Variants in TMX4 observed in about 807,000 individuals in gnomAD.
TMX4 encodes the protein thioredoxin related transmembrane protein 4, also known as thioredoxin-related transmembrane protein 4.
In TMX4, 23 loss-of-function variants were observed where a neutral mutation model predicts 33.3. The ratio of observed to expected loss-of-function variants is 0.69; its 90% CI spans 0.50 to 0.98. The LOEUF (loss-of-function observed/expected upper bound fraction) is 0.98, where lower values mean the gene tolerates loss of function less well. TMX4 is among the 50% of genes least tolerant of loss of function. The pLI, the probability that TMX4 is intolerant of heterozygous loss-of-function variation, is 0.00. For synonymous variants in TMX4, 164 were observed against 161.5 expected (o/e 1.02, Z -0.12); for missense variants, 399 against 448.9 (o/e 0.89, Z 1.01).
chr20:7,997,604 T>C (rs970833807), intron 4 of TMX4, among the ~76,000 whole-genome samples: 1 of 151,994 alleles, frequency 6.6e-6, no homozygotes, highest in Non-Finnish European at 1.5e-5. Flanking sequence ...TTCAAATGTT[T>C]AGCCAACTAA....
intron 3 of TMX4, 37 bp downstream of exon 3, chr20:8,001,459 C>A: frequency 1.9e-6 from 3 of 1,559,444 alleles, no homozygotes; most frequent in Non-Finnish European, 1.7e-6. Context: ...CTATTGATTT[C>A]TAATATTTGC....
intron 4 of TMX4, among the ~76,000 whole-genome samples, chr20:7,997,256 T>C (rs541063723): frequency 9.2e-5 from 14 of 152,276 alleles, no homozygotes; most frequent in Non-Finnish European, 1.9e-4. Flanking sequence ...GTAGGTTTTT[T>C]TGTGTTCCTG....
intron 4 of TMX4, among the ~76,000 whole-genome samples, chr20:7,998,249 C>A (rs2050685416): frequency 6.6e-6 from 1 of 152,160 alleles, no homozygotes; most frequent in Non-Finnish European, 1.5e-5. Context: ...GCATCTCAAA[C>A]CCAACAAGAT....
rs927214956 is a variant in TMX4, at chr20:7,977,500, T to A, written c.*4751A>T. 1 of 152,222 alleles carries A rather than the reference T, an allele frequency of 6.6e-6. No homozygotes were observed. The highest frequency in any genetic ancestry group is 2.4e-5 in the African/African-American group (1 of 41,460). 9.4% of individuals were successfully genotyped at this position (152,222 alleles called of 1,614,324 possible). A position where few individuals can be genotyped will look rare whatever the true frequency, so the allele number is the denominator to read the frequency against. On this transcript the variant is annotated 3_prime_UTR_variant, in exon 8 of 8. Transcript: ENST00000246024. ...ATTAGGTTTTGATGCAAATGGGAAT[T>A]TACAATAAAATGAAACAAATAGGAT...
chr20:8,002,032 G>A (rs1312354107), intron 2 of TMX4, among the ~76,000 whole-genome samples: 1 of 152,058 alleles, frequency 6.6e-6, no homozygotes, highest in Non-Finnish European at 1.5e-5. Context: ...AAAAGAATAA[G>A]TAATATGAAA....
intron 3 of TMX4, 85 bp from the exon 4 acceptor site, chr20:7,999,945 T>C: frequency 7.0e-7 from 1 of 1,431,102 alleles, no homozygotes; most frequent in Non-Finnish European, 9.4e-7. Context: ...CTACTGGTGA[T>C]ACATCTGAAC....
rs2050594296 is a variant in TMX4 at position 7,979,220 on chromosome 20, C to T, written c.*3031G>A. The T allele has an allele frequency of 6.6e-6, 1 of 151,942 alleles. No homozygotes were observed. The highest frequency in any genetic ancestry group is 2.1e-4 in the South Asian group (1 of 4,820). 9.4% of individuals were successfully genotyped at this position (151,942 alleles called of 1,614,324 possible). A position where few individuals can be genotyped will look rare whatever the true frequency, so the allele number is the denominator to read the frequency against. ...AAATTATTTCAGGTTGGCTTTTCTCCTTTAGTTTTATATTCATTAAGTATT... is the reference window on the plus strand; with the variant it reads ...AAATTATTTCAGGTTGGCTTTTCTCTTTTAGTTTTATATTCATTAAGTATT... On this transcript the variant is annotated 3_prime_UTR_variant, in exon 8 of 8. Transcript: ENST00000246024.
At chr20:8,018,368 GGA>G (rs1432536795) in intron 1 of TMX4, among the ~76,000 whole-genome samples, 5 of 67,876 alleles carry the variant, frequency 7.4e-5, no homozygotes, top group Non-Finnish European at 1.1e-4. Context: ...GAGAGAGAGA[GGA>G]GAGAGAGGAG....
chr20:8,014,633 A>G (rs2050765271), intron 1 of TMX4, among the ~76,000 whole-genome samples: 1 of 152,248 alleles, frequency 6.6e-6, no homozygotes, highest in Admixed American at 6.5e-5. Flanking sequence ...ACCATGCAAG[A>G]CACAACCAAA....
chr20:7,999,865 A>G lies in TMX4; in HGVS notation c.339-5T>C. 1 of 1,597,294 alleles carries G rather than the reference A, an allele frequency of 6.3e-7. No homozygotes were observed. Among genetic ancestry groups the G allele is most frequent in the Non-Finnish European group, 8.5e-7 (1 of 1,175,660 alleles). On this transcript the variant is annotated splice_polypyrimidine_tract_variant and splice_region_variant and intron_variant, in intron 3 of 7. Coordinates refer to ENST00000246024, the MANE Select transcript of TMX4 (RefSeq NM_021156.4). ...CGGAATATCCCATCCTTTGCACTAT[A>G]AATTATGAAAACAAGTAGAAAGCAA... is the stretch of plus-strand genomic sequence containing the variant.
rs2050586488 is a variant in TMX4, at chr20:7,977,771, A to C, written c.*4480T>G. 1.3e-5 allele frequency: 2 copies of C among 152,256 alleles called. No individual in the cohort carries two copies. Among genetic ancestry groups the C allele is most frequent in the South Asian group, 4.1e-4 (2 of 4,838 alleles). 9.4% of individuals were successfully genotyped at this position (152,256 alleles called of 1,614,324 possible). ...GTATAAAAATTGCATTTCCACAAAG[A>C]AGCTAATAACAAATACGATTAAACC... is the stretch of plus-strand genomic sequence containing the variant. On this transcript the variant is annotated 3_prime_UTR_variant, in exon 8 of 8. Transcript: ENST00000246024.
intron 6 of TMX4, among the ~76,000 whole-genome samples, chr20:7,985,963 A>C (rs1342612636): frequency 6.6e-6 from 1 of 152,198 alleles, no homozygotes; most frequent in Non-Finnish European, 1.5e-5. Context: ...CAACAGGGTC[A>C]CACACAACCT....
At chr20:7,993,540 G>A (rs192442830) in intron 5 of TMX4, among the ~76,000 whole-genome samples, 2 of 152,254 alleles carry the variant, frequency 1.3e-5, no homozygotes, top group African/African-American at 4.8e-5. Flanking sequence ...TGGGAGTGGG[G>A]ACCAGAGACC....
rs576415756 is a variant in TMX4 at position 7,980,984 on chromosome 20, A to G, written c.*1267T>C. ...AGAATCAACTTTAGGCATCTTTCGT[A>G]TGCTTGGAATCGAATTTCATGAATT... On this transcript the variant is annotated 3_prime_UTR_variant, in exon 8 of 8. Coordinates refer to ENST00000246024, the MANE Select transcript of TMX4 (RefSeq NM_021156.4). The G allele has an allele frequency of 1.3e-5, 2 of 152,322 alleles. No individual in the cohort carries two copies. The highest frequency in any genetic ancestry group is 4.8e-5 in the African/African-American group (2 of 41,574). The allele number at this position is 152,322 out of a possible 1,614,324, so 9.4% of individuals were successfully genotyped here.
chr20:8,018,760 G>T, intron 1 of TMX4: 2 of 191,046 alleles, frequency 1.0e-5, no homozygotes, highest in Non-Finnish European at 1.1e-5. Flanking sequence ...TTTCTTTATG[G>T]CACAATTATT....
chr20:8,002,177 C>T (rs769650119), intron 2 of TMX4, among the ~76,000 whole-genome samples: 2 of 152,120 alleles, frequency 1.3e-5, no homozygotes, highest in African/African-American at 2.4e-5. Context: ...ATATCAAATG[C>T]TATGTTATGT....
At chr20:8,005,314 T>G (rs1340238276) in intron 2 of TMX4, among the ~76,000 whole-genome samples, 1 of 152,186 alleles carries the variant, frequency 6.6e-6, no homozygotes, top group Non-Finnish European at 1.5e-5. Context: ...TCAACTCAAC[T>G]GACACATCAC....
chr20:7,984,467 TTGGAGAACAA>T (rs2050622080), intron 6 of TMX4, among the ~76,000 whole-genome samples: 2 of 152,136 alleles, frequency 1.3e-5, no homozygotes, highest in Admixed American at 1.3e-4. Flanking sequence ...GCTTGGTGGG[TTGGAGAACAA>T]TAAGCTCTAA....
At chr20:7,983,523 A>G (rs1222765044) in intron 7 of TMX4, among the ~76,000 whole-genome samples, 1 of 152,232 alleles carries the variant, frequency 6.6e-6, no homozygotes, top group Non-Finnish European at 1.5e-5. Context: ...TTCTAGTTCT[A>G]GTTAGAATAA....
Sources: allele counts gnomAD v4.1 joint callset (sites outside exome capture counted in the v4.1 genomes callset), GRCh38; gene constraint gnomAD v4.1.1; transcripts MANE v1.5; gene names NCBI Gene and HGNC (gene_info 2026-07-23, HGNC 2026-07-21).